GABBR2: variants seen among roughly 807,000 people sequenced by gnomAD.
The protein encoded by GABBR2 is G-protein coupled receptor 51.
A neutral mutation model predicts 105.6 loss-of-function variants in GABBR2; 23 were observed. That is an observed-to-expected ratio of 0.22 (90% confidence interval 0.16 to 0.31). The LOEUF (loss-of-function observed/expected upper bound fraction) is 0.31, where lower values mean the gene tolerates loss of function less well. GABBR2 is among the 10% of genes least tolerant of loss of function. The pLI, the probability that GABBR2 is intolerant of heterozygous loss-of-function variation, is 1.00. For missense variants in GABBR2, 734 were observed against 1,245.5 expected (o/e 0.59, Z 6.18); for synonymous variants, 478 against 499.7 (o/e 0.96, Z 0.58).
intron 2 of GABBR2, among the ~76,000 whole-genome samples, chr9:98,568,588 G>A (rs907708877): frequency 2.0e-5 from 3 of 152,150 alleles, no homozygotes; most frequent in African/African-American, 4.8e-5. Flanking sequence ...GGCAAATGAG[G>A]TGGGAGGGGC....
intron 1 of GABBR2, among the ~76,000 whole-genome samples, chr9:98,611,363 C>T (rs965138229): frequency 6.6e-6 from 1 of 152,152 alleles, no homozygotes; most frequent in Non-Finnish European, 1.5e-5. Context: ...TTACTGTCAC[C>T]CCATCCCATC....
chr9:98,612,528 G>C (rs758310995), intron 1 of GABBR2, among the ~76,000 whole-genome samples: 11 of 152,194 alleles, frequency 7.2e-5, no homozygotes, highest in Non-Finnish European at 1.0e-4. Context: ...AGCCTCATCT[G>C]TTTCCTGGAG....
chr9:98,487,754 G>A (rs1203695760), intron 4 of GABBR2, among the ~76,000 whole-genome samples: 4 of 151,994 alleles, frequency 2.6e-5, no homozygotes, highest in African/African-American at 9.7e-5. Context: ...CTCCAGCCTG[G>A]GTTACAGAGT....
rs3824497 is a variant in GABBR2 at position 98,453,701 on chromosome 9, A to G, written c.1236+280T>C. Among the ~76,000 whole-genome samples the G allele has an allele frequency of 0.042, 6,419 of 152,292 alleles. 194 individuals are homozygous for G. The highest frequency in any genetic ancestry group is 0.15 in the East Asian group (757 of 5,160). On this transcript the variant is annotated intron_variant, in intron 7 of 18. Coordinates refer to ENST00000259455, the MANE Select transcript of GABBR2 (RefSeq NM_005458.8). ...AGCCAAAAGGATAGAACGCTTTTCA[A>G]CCATTTTTGTAGCAGAGTGAAAGCC... is the stretch of plus-strand genomic sequence containing the variant.
At chr9:98,576,904 TTGGATGGATGGATGGATGGATGGATGGA>T (rs71369567) in intron 2 of GABBR2, among the ~76,000 whole-genome samples, 1 of 99,516 alleles carries the variant, frequency 1.0e-5, no homozygotes, top group Non-Finnish European at 2.4e-5. Flanking sequence ...AAAATATTTG[TTGGATGGATGGATGGATGGATGGATGGA>T]TGGATGGATG....
At chr9:98,666,328 A>T (rs1830332705) in intron 1 of GABBR2, among the ~76,000 whole-genome samples, 1 of 152,218 alleles carries the variant, frequency 6.6e-6, no homozygotes, top group Admixed American at 6.5e-5. Flanking sequence ...ACCAAGGGCT[A>T]GAGGTCGGAA....
In GABBR2 at chr9:98,397,441, G is replaced by A. The variant is rs60197840; in HGVS notation, c.1298-3186C>T. Among the ~76,000 whole-genome samples, 745 of 152,124 alleles carry A rather than the reference G, an allele frequency of 4.9e-3. 14 individuals are homozygous for A. The highest frequency in any genetic ancestry group is 0.033 in the East Asian group (172 of 5,176). On this transcript the variant is annotated intron_variant, in intron 8 of 18. Coordinates refer to ENST00000259455, the MANE Select transcript of GABBR2 (RefSeq NM_005458.8). ...TTTTTAAATCACAATTTCAGATCTT[G>A]CATGACTGTATCTGTAAACTGGGAA...
chr9:98,439,213 T>C lies in GABBR2; in HGVS notation c.1236+14768A>G, dbSNP rs368712203. ...TTAAAATAAAGAGTGTGGGTCTGGA[T>C]ACCAGCTACCGTGGTTCCTTCTTGG... On this transcript the variant is annotated intron_variant, in intron 7 of 18. Transcript: ENST00000259455. 2.6e-5 allele frequency among the ~76,000 whole-genome samples: 4 copies of C among 152,348 alleles called. No homozygotes were observed. The East Asian group carries it at 5.8e-4, about 22-fold the overall frequency.
At chr9:98,603,362 G>A (rs545013952) in intron 1 of GABBR2, among the ~76,000 whole-genome samples, 4 of 152,170 alleles carry the variant, frequency 2.6e-5, no homozygotes, top group Admixed American at 6.5e-5. Flanking sequence ...AATGGCCAAG[G>A]TTCATTCATG....
intron 1 of GABBR2, among the ~76,000 whole-genome samples, chr9:98,640,959 A>G (rs779955484): frequency 1.1e-4 from 17 of 152,144 alleles, no homozygotes; most frequent in Non-Finnish European, 2.2e-4. Context: ...AAATGGAGAT[A>G]GTAAGATCTG....
At chr9:98,348,712 T>C (rs533149578) in intron 13 of GABBR2, among the ~76,000 whole-genome samples, 2 of 152,232 alleles carry the variant, frequency 1.3e-5, no homozygotes, top group Non-Finnish European at 2.9e-5. Context: ...GCTTTATTTC[T>C]TTTTCAGCTA....
intron 7 of GABBR2, among the ~76,000 whole-genome samples, chr9:98,434,151 C>A (rs891678927): frequency 1.3e-5 from 2 of 152,182 alleles, no homozygotes; most frequent in African/African-American, 4.8e-5. Flanking sequence ...AGCTTCTCAG[C>A]CTACATCTTT....
chr9:98,502,890 C>T (rs1827432385), intron 3 of GABBR2, among the ~76,000 whole-genome samples: 1 of 152,234 alleles, frequency 6.6e-6, no homozygotes, highest in Admixed American at 6.5e-5. Context: ...TCTGTTTGTC[C>T]CTACCAGTCC....
intron 1 of GABBR2, among the ~76,000 whole-genome samples, chr9:98,678,603 T>C (rs531187220): frequency 2.0e-5 from 3 of 152,366 alleles, no homozygotes; most frequent in Admixed American, 6.5e-5. Context: ...TAACCTCATC[T>C]GGAAAACGGG....
chr9:98,369,368 G>A (rs945679006), intron 12 of GABBR2, among the ~76,000 whole-genome samples: 1 of 152,160 alleles, frequency 6.6e-6, no homozygotes, highest in African/African-American at 2.4e-5. Context: ...AGGACAGGGG[G>A]CTGCAGTCCT....
At chr9:98,466,615 G>A (rs1826562790) in intron 6 of GABBR2, among the ~76,000 whole-genome samples, 1 of 150,998 alleles carries the variant, frequency 6.6e-6, no homozygotes, top group South Asian at 2.1e-4. Context: ...TTTGCACTTG[G>A]TAAGATACTT....
In GABBR2 at chr9:98,436,348, C is replaced by CATATATAT. The variant is rs1158239322; in HGVS notation, c.1236+17625_1236+17632dup. Among the ~76,000 whole-genome samples, 15 of 7,572 alleles carry CATATATAT rather than the reference C, an allele frequency of 2.0e-3. 1 individual carries two copies. The highest frequency in any genetic ancestry group is 2.8e-3 in the Non-Finnish European group (10 of 3,572). The allele number at this position is 7,572 out of a possible 152,430, so 5.0% of individuals were successfully genotyped here. ...TATATATATACACACACACACACAC[C>CATATATAT]ATATATATATATATATATATATATA... On this transcript the variant is annotated intron_variant, in intron 7 of 18. Transcript: ENST00000259455.
chr9:98,683,241 G>A (rs1830573062), intron 1 of GABBR2, among the ~76,000 whole-genome samples: 1 of 152,148 alleles, frequency 6.6e-6, no homozygotes, highest in Non-Finnish European at 1.5e-5. Flanking sequence ...TTACAGGCAT[G>A]GGCCGCCATG....
At chr9:98,522,654 T>C (rs1358508198) in intron 3 of GABBR2, among the ~76,000 whole-genome samples, 1 of 152,182 alleles carries the variant, frequency 6.6e-6, no homozygotes, top group East Asian at 1.9e-4. Flanking sequence ...AGGGCATAGA[T>C]ATAAAACTCA....
Sources: gnomAD v4.1 joint callset for allele counts (sites outside exome capture counted in the v4.1 genomes callset) on GRCh38, gnomAD v4.1.1 for gene constraint, MANE v1.5 for transcripts, NCBI Gene and HGNC (gene_info 2026-07-23, HGNC 2026-07-21) for gene names.